IRF4: variants seen among roughly 807,000 people sequenced by gnomAD.
The protein encoded by IRF4 is lymphocyte-specific interferon regulatory factor.
IRF4 carries 13 observed loss-of-function variants against 55.5 expected under a neutral mutation model. That is an observed-to-expected ratio of 0.23 (90% confidence interval 0.15 to 0.37). The LOEUF is 0.37. Ranked by LOEUF, IRF4 falls within the 10% of genes least tolerant of loss-of-function variation. The pLI is 1.00. For missense variants in IRF4, 397 were observed against 593.8 expected (o/e 0.67, Z 3.44); for synonymous variants, 249 against 240.7 (o/e 1.03, Z -0.32).
At chr6:400,768 A>G (rs1025666694) in intron 6 of IRF4, among the ~76,000 whole-genome samples, 1 of 137,076 alleles carries the variant, frequency 7.3e-6, no homozygotes, top group African/African-American at 2.7e-5. Context: ...TAAGCACCTA[A>G]TTCTATATAT....
At chr6:394,171 T>C (rs893320345) in intron 2 of IRF4, among the ~76,000 whole-genome samples, 2 of 152,242 alleles carry the variant, frequency 1.3e-5, no homozygotes, top group African/African-American at 4.8e-5. Context: ...TCAGCTGTGC[T>C]GCCATCCAGA....
At chr6:391,863 C>T in intron 1 of IRF4, 54 bp downstream of exon 1, 1 of 454,424 alleles carries the variant, frequency 2.2e-6, no homozygotes, top group Non-Finnish European at 4.4e-6. Context: ...CCAGAGAGGA[C>T]CCGGAGCGCG....
rs763891187 is a variant in IRF4, at chr6:397,208, T to G, written c.593T>G (p.Phe198Cys). The G allele has an allele frequency of 4.3e-5, 70 of 1,614,284 alleles. No homozygotes were observed. The highest frequency in any genetic ancestry group is 5.8e-5 in the Non-Finnish European group (69 of 1,180,056). The change falls in exon 5 of 9, where the codon TTT (phenylalanine) becomes TGT (cysteine). Residue 198 changes from phenylalanine (F) to cysteine (C), a missense_variant. This residue lies in a region of IRF4 where 341 missense variants were observed against 548.1 expected (regional missense o/e 0.62). Transcript: ENST00000380956. ...ATCCCGTACCAATGTCCCATGACGT[T>G]TGGACCCCGCGGCCACCACTGGCAA... ...PEIPYQCPMT[F>C]GPRGHHWQGP...
Position 407,701 on chromosome 6 carries a change from C to A in IRF4, c.*103C>A. The stretch of plus-strand genomic sequence containing the variant: ...TCTCCCAGGCTGGAGTGCAGTGACA[C>A]AATCTCAGCTCACTGTGACCTCCGC... On this transcript the variant is annotated 3_prime_UTR_variant, in exon 9 of 9. Coordinates refer to ENST00000380956, the MANE Select transcript of IRF4 (RefSeq NM_002460.4). 1 of 1,073,414 alleles carries A rather than the reference C, an allele frequency of 9.3e-7. No homozygotes were observed. The highest frequency in any genetic ancestry group is 1.3e-6 in the Non-Finnish European group (1 of 753,498). The allele number at this position is 1,073,414 out of a possible 1,614,324, so 66.5% of individuals were successfully genotyped here.
chr6:395,613 T>A (rs1483967887), intron 3 of IRF4, among the ~76,000 whole-genome samples: 1 of 152,186 alleles, frequency 6.6e-6, no homozygotes, highest in African/African-American at 2.4e-5. Context: ...TCGCATGCCA[T>A]CTGTCATGTA....
Position 405,111 on chromosome 6 carries a change from G to T in IRF4, c.1193G>T (p.Arg398Ile). Reference sequence around the variant, plus strand: ...GAGTTTCCAGACCCTCAGAGGCAAAGAAAGCTCATCACAGCTCACGTGAGT... The same window carrying T: ...GAGTTTCCAGACCCTCAGAGGCAAATAAAGCTCATCACAGCTCACGTGAGT... ...GEEFPDPQRQ[R>I]KLITAHVEPL... The change falls in exon 8 of 9, where the codon AGA becomes ATA. Residue 398 changes from arginine (R) to isoleucine (I), a missense_variant. Arg to Ile is a moderately conservative substitution (Grantham distance 97, BLOSUM62 -3). Coordinates refer to ENST00000380956, the MANE Select transcript of IRF4 (RefSeq NM_002460.4). 1 of 1,608,332 alleles carries T rather than the reference G, an allele frequency of 6.2e-7. No individual in the cohort carries two copies. Among genetic ancestry groups the T allele is most frequent in the Non-Finnish European group, 8.5e-7 (1 of 1,174,774 alleles).
chr6:405,041 G>A lies in IRF4; in HGVS notation c.1123G>A (p.Gly375Ser), dbSNP rs1169247876. ...LSELQAFAHH[G>S]RSLPRFQVTL... The stretch of plus-strand genomic sequence containing the variant: ...AGAGCTGCAAGCGTTTGCTCACCAC[G>A]GCCGCTCCCTGCCAAGATTCCAGGT... The change falls in exon 8 of 9, where the codon GGC (glycine) becomes AGC (serine). Residue 375 changes from glycine (G) to serine (S), a missense_variant. Around this residue, in one of 3 missense-constraint regions of IRF4, gnomAD observed 341 missense variants for 548.1 expected, o/e 0.62. Transcript: ENST00000380956. The A allele has an allele frequency of 4.3e-6, 7 of 1,613,816 alleles. No individual in the cohort carries two copies. The highest frequency in any genetic ancestry group is 5.9e-6 in the Non-Finnish European group (7 of 1,179,774).
chr6:392,662 GC>G (rs1761137531), intron 1 of IRF4, among the ~76,000 whole-genome samples: 1 of 151,112 alleles, frequency 6.6e-6, no homozygotes, highest in Non-Finnish European at 1.5e-5. Context: ...CGTGGAGGCC[GC>G]CAGGGGAGTG....
At position 393,398 on chromosome 6, in the gene IRF4, C is replaced by T; in HGVS notation, c.216+30C>T. 2 of 1,458,216 alleles carry T rather than the reference C, an allele frequency of 1.4e-6. No homozygotes were observed. The highest frequency in any genetic ancestry group is 1.8e-6 in the Non-Finnish European group (2 of 1,083,434). The allele number at this position is 1,458,216 out of a possible 1,614,324, so 90.3% of individuals were successfully genotyped here. The stretch of plus-strand genomic sequence containing the variant: ...CCGGCCTCGGGAGCCGGCGGGGGCG[C>T]GCCGGGGAGGGCCCAGAGACAGAGC... On this transcript the variant is annotated intron_variant, in intron 2 of 8. Coordinates refer to ENST00000380956, the MANE Select transcript of IRF4 (RefSeq NM_002460.4). The surrounding 1 kb of genome is among the most constrained non-coding windows in gnomAD (Gnocchi z 5.4).
At position 393,103 on chromosome 6, in the gene IRF4, A is replaced by C. The variant is rs1416438341; in HGVS notation, c.-50A>C. ...GGCAGCTCTTCTCCCCGCAGTGCAG[A>C]GCAGAGCGGGCGGAGGACCCCGGGC... is the stretch of plus-strand genomic sequence containing the variant. On this transcript the variant is annotated 5_prime_UTR_variant, in exon 2 of 9. Transcript: ENST00000380956. The surrounding 1 kb of genome is among the most constrained non-coding windows in gnomAD (Gnocchi z 5.4). 6.7e-7 allele frequency: 1 copy of C among 1,502,792 alleles called. No homozygotes were observed. The highest frequency in any genetic ancestry group is 1.2e-5 in the South Asian group (1 of 80,640). 93.1% of individuals were successfully genotyped at this position (1,502,792 alleles called of 1,614,324 possible).
chr6:398,757 C>G, intron 5 of IRF4, 71 bp from the exon 6 acceptor site: 17 of 1,091,752 alleles, frequency 1.6e-5, no homozygotes, highest in Non-Finnish European at 2.3e-5. Context: ...TTCACACACA[C>G]ACCCCAGGAA....
rs377483798 is a variant in IRF4, at chr6:405,045, G to C, written c.1127G>C (p.Arg376Pro). 1.2e-6 allele frequency: 2 copies of C among 1,613,520 alleles called. No individual in the cohort carries two copies. Among genetic ancestry groups the C allele is most frequent in the Admixed American group, 1.7e-5 (1 of 60,010 alleles). Residue 376 changes from arginine to proline, a missense_variant, in exon 8 of 9, where the codon CGC becomes CCC. By Grantham distance (103) the Arg-to-Pro change is moderately radical. Transcript: ENST00000380956. ...CTGCAAGCGTTTGCTCACCACGGCC[G>C]CTCCCTGCCAAGATTCCAGGTGACT... ...SELQAFAHHG[R>P]SLPRFQVTLC...
chr6:406,817 T>C (rs763785134), intron 8 of IRF4: 13 of 1,192,086 alleles, frequency 1.1e-5, no homozygotes, highest in South Asian at 7.6e-5. Context: ...GTCTCTAATA[T>C]CATGATTGAT....
chr6:409,129 T>C lies in IRF4; in HGVS notation c.*1531T>C, dbSNP rs1384556485. On this transcript the variant is annotated 3_prime_UTR_variant, in exon 9 of 9. Transcript: ENST00000380956. ...TGTTCCTGCTTTTCTAATGGATATTTTAAATTCATTCAACAAGCACCTAGT... is the reference window on the plus strand; with the variant it reads ...TGTTCCTGCTTTTCTAATGGATATTCTAAATTCATTCAACAAGCACCTAGT... The C allele has an allele frequency of 9.4e-6, 2 of 212,880 alleles. No individual in the cohort carries two copies. The highest frequency in any genetic ancestry group is 9.5e-6 in the Non-Finnish European group (1 of 105,022). The allele number at this position is 212,880 out of a possible 1,614,324, so 13.2% of individuals were successfully genotyped here. A position where few individuals can be genotyped will look rare whatever the true frequency, so the allele number is the denominator to read the frequency against.
At chr6:399,327 C>T (rs775957826) in intron 6 of IRF4, among the ~76,000 whole-genome samples, 4 of 152,122 alleles carry the variant, frequency 2.6e-5, no homozygotes, top group Non-Finnish European at 4.4e-5. Flanking sequence ...GATCATCCTT[C>T]CAGGTTGAGC....
At chr6:396,819 T>C (rs71545189) in intron 4 of IRF4, among the ~76,000 whole-genome samples, 87 of 73,656 alleles carry the variant, frequency 1.2e-3, no homozygotes, top group Non-Finnish European at 1.6e-3. Flanking sequence ...CCAGTGCTTC[T>C]TATCTCAGCC....
intron 4 of IRF4, 61 bp downstream of exon 4, chr6:395,996 G>T: frequency 7.4e-7 from 1 of 1,350,970 alleles, no homozygotes. Flanking sequence ...TGCCCACATG[G>T]CCAGAGAACC....
chr6:406,161 A>G (rs555037808), intron 8 of IRF4, among the ~76,000 whole-genome samples: 2 of 152,240 alleles, frequency 1.3e-5, no homozygotes, highest in African/African-American at 2.4e-5. Flanking sequence ...AATAATTGAT[A>G]TGATTGTTGA....
chr6:409,886 G>GT lies in IRF4; in HGVS notation c.*2295dup, dbSNP rs1273584811. On this transcript the variant is annotated 3_prime_UTR_variant, in exon 9 of 9. Transcript: ENST00000380956. The stretch of plus-strand genomic sequence containing the variant: ...ATTGCTTTGTGACTTCTTCTTCTTT[G>GT]TTTTTTTAAATATTATGCTGCTTTA... 6 of 229,046 alleles carry GT rather than the reference G, an allele frequency of 2.6e-5. No homozygotes were observed. The highest frequency in any genetic ancestry group is 1.8e-4 in the East Asian group (3 of 16,232). The allele number at this position is 229,046 out of a possible 1,614,324, so 14.2% of individuals were successfully genotyped here. A position where few individuals can be genotyped will look rare whatever the true frequency, so the allele number is the denominator to read the frequency against.
Sources: gnomAD v4.1 joint callset for allele counts (sites outside exome capture counted in the v4.1 genomes callset) on GRCh38, gnomAD v4.1.1 for gene constraint, gnomAD v4.1.1 regional missense constraint, Gnocchi (gnomAD v3.1) non-coding constraint, MANE v1.5 for transcripts, NCBI Gene and HGNC (gene_info 2026-07-23, HGNC 2026-07-21) for gene names.